The following PCDHA7 variants were observed in gnomAD, a reference collection of about 807,000 sequenced individuals.
PCDHA7 encodes protocadherin alpha 7, also known as protocadherin alpha-7.
A neutral mutation model predicts 57.2 loss-of-function variants in PCDHA7; 37 were observed. That is an observed-to-expected ratio of 0.65 (90% CI 0.50 to 0.85). The LOEUF is 0.85. Among genes scored for constraint, PCDHA7 ranks in the 40% least tolerant of loss-of-function variants. The pLI, the probability that PCDHA7 is intolerant of heterozygous loss-of-function variation, is 0.00. For missense variants in PCDHA7, 1,188 were observed against 1,241.8 expected (o/e 0.96, Z 0.65); for synonymous variants, 553 against 558.8 (o/e 0.99, Z 0.15).
rs150677637 is a variant in PCDHA7, at chr5:140,857,404, T to A, written c.2355+20666T>A. Reference sequence around the variant, plus strand: ...TGGCCGACGTGAACGACAACGCGCCTGCGTTCGCGCAGTCCGAGTACACGG... The same window carrying A: ...TGGCCGACGTGAACGACAACGCGCCAGCGTTCGCGCAGTCCGAGTACACGG... On this transcript the variant is annotated intron_variant, in intron 1 of 3. Transcript: ENST00000525929. 5,154 of 1,597,952 alleles carry A rather than the reference T, an allele frequency of 3.2e-3. 410 individuals carry two copies. In the African/African-American group the frequency reaches 0.057, roughly 18 times the overall value.
intron 1 of PCDHA7, chr5:140,842,828 T>C (rs2150345538): frequency 1.9e-6 from 3 of 1,593,634 alleles, no homozygotes; most frequent in South Asian, 1.1e-5. Context: ...GGGCGAGCGC[T>C]CGCTGTCGAG....
chr5:140,927,921 G>A, intron 1 of PCDHA7: 2 of 1,614,194 alleles, frequency 1.2e-6, no homozygotes, highest in South Asian at 1.1e-5. Context: ...TGGACTTCCT[G>A]ACTCTTTCGA....
At chr5:140,925,800 C>T (rs1318763578) in intron 1 of PCDHA7, among the ~76,000 whole-genome samples, 5 of 152,070 alleles carry the variant, frequency 3.3e-5, no homozygotes, top group African/African-American at 1.2e-4. Context: ...AGTACTTTCC[C>T]CTCCACTTCT....
chr5:140,930,668 T>C (rs2087022080), intron 1 of PCDHA7, among the ~76,000 whole-genome samples: 1 of 152,216 alleles, frequency 6.6e-6, no homozygotes, highest in South Asian at 2.1e-4. Flanking sequence ...GTTTTACTAT[T>C]CTAGGCAATA....
At chr5:140,882,750 A>C (rs781948584) in intron 1 of PCDHA7, 3 of 1,614,128 alleles carry the variant, frequency 1.9e-6, no homozygotes, top group Non-Finnish European at 2.5e-6. Flanking sequence ...TCCGATGCAG[A>C]TATTGGAGTA....
intron 1 of PCDHA7, chr5:140,841,218 C>G (rs2150312000): frequency 3.5e-6 from 5 of 1,431,458 alleles, no homozygotes; most frequent in Non-Finnish European, 4.7e-6. Context: ...CTCTAAAGGC[C>G]GAACAACGGG....
intron 3 of PCDHA7, among the ~76,000 whole-genome samples, chr5:140,989,886 C>T (rs954644773): frequency 1.3e-5 from 2 of 151,784 alleles, no homozygotes. Flanking sequence ...CACTTGGAGT[C>T]TCCGTTATTC....
chr5:140,863,405 C>A (rs1554158176), intron 1 of PCDHA7: 1 of 799,642 alleles, frequency 1.3e-6, no homozygotes, highest in East Asian at 4.2e-5. Flanking sequence ...GGCAAGCCCA[C>A]GCTGGTGTAC....
At chr5:140,928,077 C>T in intron 1 of PCDHA7, 1 of 1,614,230 alleles carries the variant, frequency 6.2e-7, no homozygotes, top group Non-Finnish European at 8.5e-7. Context: ...ACAACTACTA[C>T]AGCCTGCTGA....
intron 1 of PCDHA7, chr5:140,851,096 T>A (rs2041958887): frequency 7.7e-7 from 1 of 1,292,466 alleles, no homozygotes; most frequent in Non-Finnish European, 1.0e-6. Context: ...AAATAGATAT[T>A]TTTTGGGTGC....
chr5:140,902,024 C>T (rs1554190174), intron 1 of PCDHA7, among the ~76,000 whole-genome samples: 5 of 152,016 alleles, frequency 3.3e-5, no homozygotes, highest in Non-Finnish European at 1.5e-5. Flanking sequence ...TATAGAAATA[C>T]TACTAATTTT....
Position 140,876,851 on chromosome 5 carries a change from A to G in PCDHA7, c.2355+40113A>G, listed in dbSNP as rs1554169034. ...GCGCCTGCGTTCGCGCAGCCCGAGT[A>G]CACAGTGTTCGTGAAGGAGAACAAC... On this transcript the variant is annotated intron_variant, in intron 1 of 3. Coordinates refer to ENST00000525929, the MANE Select transcript of PCDHA7 (RefSeq NM_018910.3). The G allele has an allele frequency of 5.0e-6, 8 of 1,613,986 alleles. No individual in the cohort carries two copies. In the Admixed American group the frequency reaches 1.3e-4, roughly 27 times the overall value.
intron 1 of PCDHA7, chr5:140,927,108 C>A (rs782811125): frequency 6.2e-7 from 1 of 1,613,646 alleles, no homozygotes; most frequent in Non-Finnish European, 8.5e-7. Context: ...ATCTACCCAG[C>A]GGCAATTTGG....
chr5:140,859,378 T>G lies in PCDHA7; in HGVS notation c.2355+22640T>G. The G allele has an allele frequency of 7.4e-6, 2 of 268,578 alleles. 1 individual carries two copies. Among genetic ancestry groups the G allele is most frequent in the Non-Finnish European group, 1.3e-5 (2 of 148,378 alleles). The allele number at this position is 268,578 out of a possible 1,614,324, so 16.6% of individuals were successfully genotyped here. A position where few individuals can be genotyped will look rare whatever the true frequency, so the allele number is the denominator to read the frequency against. On this transcript the variant is annotated intron_variant, in intron 1 of 3. Transcript: ENST00000525929. ...CTGATATATTGTATAGTTTAATAGCTTCTCTAGTCATCTTAAACAGGGTTG... is the reference window on the plus strand; with the variant it reads ...CTGATATATTGTATAGTTTAATAGCGTCTCTAGTCATCTTAAACAGGGTTG...
intron 1 of PCDHA7, among the ~76,000 whole-genome samples, chr5:140,961,949 T>G (rs868952671): frequency 2.0e-5 from 3 of 151,876 alleles, no homozygotes; most frequent in Non-Finnish European, 4.4e-5. Context: ...AGTGGCATGA[T>G]CTCGGCTCAC....
chr5:140,871,032 C>G (rs1554165004), intron 1 of PCDHA7: 1 of 1,613,304 alleles, frequency 6.2e-7, no homozygotes. Flanking sequence ...ACTCGCCGCG[C>G]CACCGACTTC....
intron 1 of PCDHA7, chr5:140,967,063 C>T (rs1554229129): frequency 6.2e-7 from 1 of 1,612,820 alleles, no homozygotes; most frequent in Non-Finnish European, 8.5e-7. Flanking sequence ...GTGGAGCGCT[C>T]TTCGTCAACG....
At chr5:140,929,545 A>T in intron 1 of PCDHA7, 1 of 514,856 alleles carries the variant, frequency 1.9e-6, no homozygotes, top group Non-Finnish European at 3.2e-6. Context: ...ACAAGGGCAA[A>T]AATTAAAACC....
At chr5:140,951,766 C>T (rs372624744) in intron 1 of PCDHA7, among the ~76,000 whole-genome samples, 78 of 152,240 alleles carry the variant, frequency 5.1e-4, no homozygotes, top group African/African-American at 1.6e-3. Context: ...AATCTCATGA[C>T]GTTCTTACAT....
Sources: allele counts gnomAD v4.1 joint callset (sites outside exome capture counted in the v4.1 genomes callset), GRCh38; gene constraint gnomAD v4.1.1; transcripts MANE v1.5; gene names NCBI Gene and HGNC (gene_info 2026-07-23, HGNC 2026-07-21).